The following GDPD5 variants were observed in gnomAD, a reference collection of about 807,000 sequenced individuals.
GDPD5 encodes the protein glycerophosphodiester phosphodiesterase domain containing 5.
GDPD5 carries 48 observed loss-of-function variants against 75.1 expected under a neutral mutation model. That is an observed-to-expected ratio of 0.64 (90% confidence interval 0.51 to 0.81). The LOEUF is 0.81. Ranked by LOEUF, GDPD5 falls within the 40% of genes least tolerant of loss-of-function variation. GDPD5 has a pLI of 0.00. For synonymous variants in GDPD5, 336 were observed against 339.0 expected (o/e 0.99, Z 0.10); for missense variants, 706 against 822.6 (o/e 0.86, Z 1.73).
At chr11:75,442,675 C>A in intron 11 of GDPD5, 94 bp from the exon 12 acceptor site, 1 of 1,078,502 alleles carries the variant, frequency 9.3e-7, no homozygotes, top group Non-Finnish European at 1.4e-6. Context: ...GACCCCTGGG[C>A]TGCCAGAGTC....
At chr11:75,462,203 C>T (rs1949429032) in intron 4 of GDPD5, among the ~76,000 whole-genome samples, 1 of 152,162 alleles carries the variant, frequency 6.6e-6, no homozygotes, top group Non-Finnish European at 1.5e-5. Context: ...CCCGGTTGAG[C>T]CCTGGCCCAG....
intron 1 of GDPD5, among the ~76,000 whole-genome samples, chr11:75,504,070 A>T (rs1950346772): frequency 6.6e-6 from 1 of 152,332 alleles, no homozygotes; most frequent in Admixed American, 6.5e-5. Flanking sequence ...CTCTCTGTGC[A>T]CAGGTGCTCT....
In GDPD5 at chr11:75,463,040, T is replaced by A. The variant is rs554530322; in HGVS notation, c.118-151A>T. 180 of 647,092 alleles carry A rather than the reference T, an allele frequency of 2.8e-4. 1 individual carries two copies. In the South Asian group the frequency reaches 3.1e-3, roughly 11 times the overall value. 40.1% of individuals were successfully genotyped at this position (647,092 alleles called of 1,614,324 possible). A position where few individuals can be genotyped will look rare whatever the true frequency, so the allele number is the denominator to read the frequency against. On this transcript the variant is annotated intron_variant, in intron 3 of 16. Coordinates refer to ENST00000336898, the MANE Select transcript of GDPD5 (RefSeq NM_030792.8). ...TCTTTACCCTGGGAGAAACTGAGGT[T>A]CAGAGAGGGGAAGTGACCTGTCCAC... is the stretch of plus-strand genomic sequence containing the variant.
chr11:75,436,924 A>T lies in GDPD5; in HGVS notation c.1669+12T>A. ...CCAGGGCCTGCCTCCACCTGTCTGCAGGGCTGTGTACCTGAGAAAATAAGC... is the reference window on the plus strand; with the variant it reads ...CCAGGGCCTGCCTCCACCTGTCTGCTGGGCTGTGTACCTGAGAAAATAAGC... On this transcript the variant is annotated intron_variant, in intron 16 of 16. Transcript: ENST00000336898. 1 of 1,606,762 alleles carries T rather than the reference A, an allele frequency of 6.2e-7. No homozygotes were observed. The highest frequency in any genetic ancestry group is 8.5e-7 in the Non-Finnish European group (1 of 1,173,936).
chr11:75,456,826 G>A lies in GDPD5; in HGVS notation c.316-10C>T, dbSNP rs1949295229. The A allele has an allele frequency of 6.2e-7, 1 of 1,613,786 alleles. No homozygotes were observed. Among genetic ancestry groups the A allele is most frequent in the South Asian group, 1.1e-5 (1 of 91,078 alleles). On this transcript the variant is annotated splice_polypyrimidine_tract_variant and intron_variant, in intron 5 of 16. Transcript: ENST00000336898. Reference sequence around the variant, plus strand: ...GACATAGTGCCAGGACCTGAGGAGGGACCCACAGGGTGATTGTCAGGCCCG... The same window carrying A: ...GACATAGTGCCAGGACCTGAGGAGGAACCCACAGGGTGATTGTCAGGCCCG...
At chr11:75,494,061 A>T (rs1190871407) in intron 1 of GDPD5, among the ~76,000 whole-genome samples, 1 of 152,016 alleles carries the variant, frequency 6.6e-6, no homozygotes, top group East Asian at 1.9e-4. Flanking sequence ...TTAATATTTC[A>T]TGTCTATTTA....
At chr11:75,461,479 A>G (rs1468432665) in intron 4 of GDPD5, among the ~76,000 whole-genome samples, 1 of 152,206 alleles carries the variant, frequency 6.6e-6, no homozygotes, top group African/African-American at 2.4e-5. Context: ...GGAAAAGTGG[A>G]CACCCAGCTC....
At chr11:75,485,000 T>C (rs965174615) in intron 2 of GDPD5, among the ~76,000 whole-genome samples, 2 of 152,180 alleles carry the variant, frequency 1.3e-5, no homozygotes, top group Non-Finnish European at 2.9e-5. Flanking sequence ...TGAGGAATAT[T>C]ATTTGGCAAT....
intron 1 of GDPD5, among the ~76,000 whole-genome samples, chr11:75,511,188 T>G (rs1016304256): frequency 6.6e-6 from 1 of 152,230 alleles, no homozygotes; most frequent in Non-Finnish European, 1.5e-5. Context: ...AGTTCCACCA[T>G]TATCACTGAA....
intron 11 of GDPD5, 171 bp downstream of exon 11, chr11:75,442,965 A>C: frequency 1.4e-6 from 1 of 718,636 alleles, no homozygotes; most frequent in South Asian, 1.7e-5. Flanking sequence ...GACAACCATG[A>C]GTCTGGCAGC....
At chr11:75,472,801 G>A (rs927367140) in intron 3 of GDPD5, among the ~76,000 whole-genome samples, 4 of 152,110 alleles carry the variant, frequency 2.6e-5, no homozygotes, top group Non-Finnish European at 4.4e-5. Flanking sequence ...AGGCCCAGAC[G>A]CTATCCTAAA....
intron 4 of GDPD5, among the ~76,000 whole-genome samples, chr11:75,461,607 C>CCTA (rs1949414533): frequency 6.6e-6 from 1 of 152,184 alleles, no homozygotes; most frequent in Non-Finnish European, 1.5e-5. Flanking sequence ...GATGTGGTCT[C>CCTA]CTAGGAAGCA....
At chr11:75,471,294 G>C (rs957590431) in intron 3 of GDPD5, among the ~76,000 whole-genome samples, 1 of 152,198 alleles carries the variant, frequency 6.6e-6, no homozygotes, top group African/African-American at 2.4e-5. Flanking sequence ...GTGGCCTGGG[G>C]AGGTTGAAGA....
chr11:75,494,731 C>G (rs523617), intron 1 of GDPD5, among the ~76,000 whole-genome samples: 78,704 of 151,588 alleles, frequency 0.52, 23,059 homozygotes, highest in East Asian at 0.79. Context: ...GCAGGCAGAT[C>G]ACCTGAGGTT....
intron 2 of GDPD5, among the ~76,000 whole-genome samples, chr11:75,484,771 C>A (rs531907020): frequency 6.6e-6 from 1 of 152,146 alleles, no homozygotes; most frequent in Non-Finnish European, 1.5e-5. Context: ...AACATATGTA[C>A]GGTGTGAGTA....
intron 6 of GDPD5, 92 bp from the exon 7 acceptor site, chr11:75,450,075 G>A (rs1180570917): frequency 3.0e-6 from 3 of 1,012,630 alleles, no homozygotes; most frequent in Non-Finnish European, 4.5e-6. Flanking sequence ...GAGACAGAGA[G>A]GGCAGGAGAG....
chr11:75,435,688 G>C (rs747662962), intron 16 of GDPD5, 33 bp from the exon 17 acceptor site: 2 of 1,566,506 alleles, frequency 1.3e-6, no homozygotes, highest in Non-Finnish European at 1.7e-6. Flanking sequence ...AATGTGAGTC[G>C]GGGAGGAGGC....
chr11:75,486,957 T>A (rs514477), intron 2 of GDPD5, among the ~76,000 whole-genome samples: 5 of 151,970 alleles, frequency 3.3e-5, no homozygotes, highest in African/African-American at 1.2e-4. Context: ...GCAGAGGGCA[T>A]CCCAAACAGC....
rs202078307 is a variant in GDPD5 at position 75,464,281 on chromosome 11, C to T, written c.118-1392G>A. ...ATTCTTTCTGTGACTCAGTTTTCAC[C>T]TCTATGAAATGAGGGCAATACTAGT... On this transcript the variant is annotated intron_variant, in intron 3 of 16. Transcript: ENST00000336898. Among the ~76,000 whole-genome samples the T allele has an allele frequency of 6.6e-5, 10 of 152,194 alleles. No homozygotes were observed. The East Asian group carries it at 1.5e-3, about 23-fold the overall frequency.
Sources: allele counts gnomAD v4.1 joint callset (sites outside exome capture counted in the v4.1 genomes callset), GRCh38; gene constraint gnomAD v4.1.1; transcripts MANE v1.5; gene names NCBI Gene and HGNC (gene_info 2026-07-23, HGNC 2026-07-21).